The following TTC39C variants were observed in gnomAD, a reference collection of about 807,000 sequenced individuals.
TTC39C encodes the protein tetratricopeptide repeat protein 39C.
A neutral mutation model predicts 76.3 loss-of-function variants in TTC39C; 33 were observed. That is an observed-to-expected ratio of 0.43 (90% confidence interval 0.33 to 0.58). The LOEUF (loss-of-function observed/expected upper bound fraction) is 0.58. Among genes scored for constraint, TTC39C ranks in the 20% least tolerant of loss-of-function variants. The pLI is 0.04. For synonymous variants in TTC39C, 254 were observed against 260.6 expected (o/e 0.97, Z 0.24); for missense variants, 595 against 701.4 (o/e 0.85, Z 1.71).
At chr18:24,049,374 A>G (rs938723839) in intron 1 of TTC39C, among the ~76,000 whole-genome samples, 34 of 152,260 alleles carry the variant, frequency 2.2e-4, no homozygotes, top group African/African-American at 7.7e-4. Flanking sequence ...ATGGAAAGAA[A>G]TGGGAACAAT....
chr18:24,015,213 C>T, intron 1 of TTC39C, 175 bp downstream of exon 1: 1 of 535,014 alleles, frequency 1.9e-6, no homozygotes, highest in Non-Finnish European at 3.1e-6. Context: ...TGCCACATCT[C>T]CTCGTCCACC....
intron 1 of TTC39C, among the ~76,000 whole-genome samples, chr18:24,021,545 T>C (rs1459295416): frequency 2.1e-5 from 3 of 140,734 alleles, no homozygotes; most frequent in South Asian, 2.2e-4. Flanking sequence ...CCTTCTTTTT[T>C]TTTTTTTTTT....
In TTC39C at chr18:24,130,357, C is replaced by T. The variant is rs12970083; in HGVS notation, c.1563C>T (p.Asn521=). ...AAGATGAATTGTGTCGTCAGAATAA[C>T]TTATATGTTCAGCCGTATGCCTGTT... ...AVKDELCRQN[N]LYVQPYACYE... The change falls in exon 12 of 14, where the codon AAC becomes AAT. Residue 521 remains asparagine (N), a synonymous_variant. Coordinates refer to ENST00000317571, the MANE Select transcript of TTC39C (RefSeq NM_001135993.2). 1,590,672 of 1,592,992 alleles carry T rather than the reference C, an allele frequency of 1. 794,203 individuals carry two copies. The highest frequency in any genetic ancestry group is 1 in the East Asian group (43,551 of 43,552).
intron 4 of TTC39C, among the ~76,000 whole-genome samples, chr18:24,070,309 T>A (rs1049046947): frequency 1.3e-5 from 2 of 152,230 alleles, no homozygotes; most frequent in African/African-American, 4.8e-5. Context: ...CTTTTTCTCC[T>A]TAACCCTCTT....
At chr18:24,033,590 C>T (rs2083698905) in intron 1 of TTC39C, among the ~76,000 whole-genome samples, 1 of 152,200 alleles carries the variant, frequency 6.6e-6, no homozygotes, top group African/African-American at 2.4e-5. Context: ...CACAGACAGC[C>T]CTGGCCTTAC....
intron 1 of TTC39C, among the ~76,000 whole-genome samples, chr18:24,035,713 C>T (rs1361502179): frequency 6.6e-6 from 1 of 152,038 alleles, no homozygotes; most frequent in Non-Finnish European, 1.5e-5. Context: ...AGACATTTCC[C>T]CCCCCATTCC....
rs1402455748 is a variant in TTC39C, at chr18:24,118,134, G to T, written c.1088G>T (p.Ser363Ile). Residue 363 changes from serine (S) to isoleucine (I), a missense_variant, in exon 8 of 14, where the codon AGC (serine) becomes ATC (isoleucine). Physicochemically the swap from Ser to Ile is moderately radical, Grantham distance 142. Coordinates refer to ENST00000317571, the MANE Select transcript of TTC39C (RefSeq NM_001135993.2). ...AATATTTCTTTCATAGGTTGGTGCA[G>T]CATGATAGAGCTCAATTTCAAGGAT... is the stretch of plus-strand genomic sequence containing the variant. ...HVCLYEIGWC[S>I]MIELNFKDAF... 1.2e-6 allele frequency: 2 copies of T among 1,613,526 alleles called. No individual in the cohort carries two copies. Among genetic ancestry groups the T allele is most frequent in the Non-Finnish European group, 1.7e-6 (2 of 1,179,766 alleles).
At chr18:24,103,490 A>C (rs1258333794) in intron 6 of TTC39C, among the ~76,000 whole-genome samples, 2 of 152,210 alleles carry the variant, frequency 1.3e-5, no homozygotes. Flanking sequence ...AGCAGTAACA[A>C]ACAGCACACG....
At chr18:24,095,532 C>G (rs2084577852) in intron 6 of TTC39C, among the ~76,000 whole-genome samples, 1 of 152,078 alleles carries the variant, frequency 6.6e-6, no homozygotes, top group South Asian at 2.1e-4. Context: ...AACCCCATCT[C>G]TACTAAAAAT....
Position 24,118,145 on chromosome 18 carries a change from C to T in TTC39C, c.1099C>T (p.Leu367Phe), listed in dbSNP as rs777501053. The change falls in exon 8 of 14, where the codon CTC becomes TTC. Residue 367 changes from leucine (L) to phenylalanine (F), a missense_variant. Coordinates refer to ENST00000317571, the MANE Select transcript of TTC39C (RefSeq NM_001135993.2). ...CATAGGTTGGTGCAGCATGATAGAG[C>T]TCAATTTCAAGGATGCATTTGATTC... The part of the protein sequence containing the change: ...YEIGWCSMIE[L>F]NFKDAFDSFE... 6.2e-6 allele frequency: 10 copies of T among 1,613,634 alleles called. No homozygotes were observed. Among genetic ancestry groups the T allele is most frequent in the Admixed American group, 5.0e-5 (3 of 59,980 alleles).
At chr18:24,079,057 G>A (rs187403135) in intron 4 of TTC39C, among the ~76,000 whole-genome samples, 17 of 152,158 alleles carry the variant, frequency 1.1e-4, no homozygotes, top group East Asian at 3.9e-4. Context: ...TAAAAATGCC[G>A]TTCTGAAAAC....
At chr18:24,113,997 A>C (rs1394831348) in intron 6 of TTC39C, 3 of 361,738 alleles carry the variant, frequency 8.3e-6, no homozygotes, top group African/African-American at 6.3e-5. Flanking sequence ...CAAACTATCA[A>C]CTGTATGGTG....
chr18:24,103,517 G>C (rs575423050), intron 6 of TTC39C, among the ~76,000 whole-genome samples: 1 of 152,278 alleles, frequency 6.6e-6, no homozygotes, highest in Non-Finnish European at 1.5e-5. Context: ...CTGGTTCTTG[G>C]GAACTCACTG....
chr18:24,077,828 G>C (rs944178170), intron 4 of TTC39C, among the ~76,000 whole-genome samples: 1 of 152,138 alleles, frequency 6.6e-6, no homozygotes, highest in Admixed American at 6.5e-5. Flanking sequence ...TTGTAACTGA[G>C]CATCATCTTT....
At chr18:24,088,400 C>T (rs1204150136) in intron 6 of TTC39C, among the ~76,000 whole-genome samples, 1 of 152,222 alleles carries the variant, frequency 6.6e-6, no homozygotes, top group African/African-American at 2.4e-5. Flanking sequence ...GTCTTCACCT[C>T]ATCTGCAGCT....
rs772504894 is a variant in TTC39C, at chr18:24,014,931, AGCG to A, written c.73_75del (p.Ala25del). 94 of 1,522,246 alleles carry A rather than the reference AGCG, an allele frequency of 6.2e-5. No homozygotes were observed. The highest frequency in any genetic ancestry group is 2.6e-4 in the East Asian group (10 of 37,800). 94.3% of individuals were successfully genotyped at this position (1,522,246 alleles called of 1,614,324 possible). On this transcript the variant is annotated inframe_deletion, in exon 1 of 14. Transcript: ENST00000317571. ...GGGACGACGGAGACTCGGACGCGGC[AGCG>A]GCGGCGGCGGCGCCCCTGCAGGACG...
intron 6 of TTC39C, among the ~76,000 whole-genome samples, chr18:24,099,035 G>GTA (rs10582999): frequency 2.7e-5 from 4 of 146,664 alleles, no homozygotes; most frequent in African/African-American, 1.0e-4. Context: ...GTGTGTGTGT[G>GTA]TATATATATA....
At position 24,130,384 on chromosome 18, in the gene TTC39C, T is replaced by G. The variant is rs761415787; in HGVS notation, c.1590T>G (p.Tyr530Ter). ...NNLYVQPYAC[Y>*]ELGCLLLDKP... ...TATATGTTCAGCCGTATGCCTGTTA[T>G]GAACTTGGCTGTCTTCTATTAGACA... Residue 530 changes from tyrosine (Y) to a stop codon, truncating the protein, a stop_gained, in exon 12 of 14, where the codon TAT (tyrosine) becomes TAG (stop). Coordinates refer to ENST00000317571, the MANE Select transcript of TTC39C (RefSeq NM_001135993.2). LOFTEE classifies it high-confidence loss of function. 6.3e-7 allele frequency: 1 copy of G among 1,580,454 alleles called. No individual in the cohort carries two copies. Among genetic ancestry groups the G allele is most frequent in the Non-Finnish European group, 8.6e-7 (1 of 1,163,124 alleles).
Position 24,081,985 on chromosome 18 carries a change from A to C in TTC39C, c.816-928A>C, listed in dbSNP as rs150685365. On this transcript the variant is annotated intron_variant, in intron 5 of 13. Transcript: ENST00000317571. ...ATGCATTTACATAAAAATATTTGAC[A>C]TGTTGGTTAAACATTTTTGTCTGGC... 3.8e-4 allele frequency among the ~76,000 whole-genome samples: 57 copies of C among 149,418 alleles called. No homozygotes were observed. In the East Asian group the frequency reaches 0.011, roughly 29 times the overall value.
Sources: allele counts gnomAD v4.1 joint callset (sites outside exome capture counted in the v4.1 genomes callset), GRCh38; gene constraint gnomAD v4.1.1; transcripts MANE v1.5; gene names NCBI Gene and HGNC (gene_info 2026-07-23, HGNC 2026-07-21).